The following HMCN1 variants were observed in gnomAD, a reference collection of about 807,000 sequenced individuals.
HMCN1 encodes the protein hemicentin-1.
HMCN1 carries 321 observed loss-of-function variants against 625.9 expected under a neutral mutation model. The ratio of observed to expected loss-of-function variants is 0.51; its 90% CI spans 0.47 to 0.56. The LOEUF (loss-of-function observed/expected upper bound fraction) is 0.56, where lower values mean the gene tolerates loss of function less well. Among genes scored for constraint, HMCN1 ranks in the 20% least tolerant of loss-of-function variants. HMCN1 has a pLI of 0.00. For synonymous variants in HMCN1, 2,425 were observed against 2,417.6 expected (o/e 1.00, Z -0.09); for missense variants, 6,588 against 6,887.3 (o/e 0.96, Z 1.54).
intron 1 of HMCN1, among the ~76,000 whole-genome samples, chr1:185,818,841 A>C (rs1489733535): frequency 1.3e-5 from 2 of 152,146 alleles, no homozygotes; most frequent in Non-Finnish European, 2.9e-5. Context: ...GAAACTTATA[A>C]ATTTTTATAA....
chr1:185,890,175 A>G (rs1283868689), intron 4 of HMCN1, among the ~76,000 whole-genome samples: 1 of 149,520 alleles, frequency 6.7e-6, no homozygotes, highest in South Asian at 2.1e-4. Flanking sequence ...ATCATTTTTT[A>G]TTGCGTCTAT....
rs758772278 is a variant in HMCN1, at chr1:186,117,606, A to G, written c.11831A>G (p.Tyr3944Cys). ...GIRLLPRGDG[Y>C]RILSSGAIEI... ...AGACTGCTTCCCAGGGGAGATGGCT[A>G]TAGAATTCTGTCCTCAGGTAAGACC... Residue 3944 changes from tyrosine to cysteine, a missense_variant, in exon 77 of 107, where the codon TAT becomes TGT. Coordinates refer to ENST00000271588, the MANE Select transcript of HMCN1 (RefSeq NM_031935.3). The G allele has an allele frequency of 4.3e-6, 7 of 1,613,676 alleles. No homozygotes were observed. In the Admixed American group the frequency reaches 8.3e-5, roughly 19 times the overall value.
chr1:186,097,256 G>A (rs141336456), intron 68 of HMCN1, among the ~76,000 whole-genome samples: 1 of 152,214 alleles, frequency 6.6e-6, no homozygotes, highest in East Asian at 1.9e-4. Context: ...GTCTGAAAAA[G>A]AAATCAAGAA....
intron 97 of HMCN1, among the ~76,000 whole-genome samples, chr1:186,161,513 T>C (rs879230790): frequency 1.3e-5 from 2 of 151,438 alleles, no homozygotes; most frequent in South Asian, 4.2e-4. Context: ...TTCTTCCTAG[T>C]CTTGATGGTC....
rs937850916 is a variant in HMCN1, at chr1:186,144,565, A to G, written c.14128A>G (p.Ser4710Gly). Reference protein sequence around the residue: ...HGKWATWASWSACSVSCGGGA... With the variant: ...HGKWATWASWGACSVSCGGGA... Reference sequence around the variant, plus strand: ...CAAGTGGGCGACTTGGGCCAGTTGGAGTGCCTGTTCTGTGTCATGTGGAGG... The same window carrying G: ...CAAGTGGGCGACTTGGGCCAGTTGGGGTGCCTGTTCTGTGTCATGTGGAGG... Residue 4710 changes from serine to glycine, a missense_variant, in exon 91 of 107, where the codon AGT becomes GGT. Transcript: ENST00000271588. 6.2e-7 allele frequency: 1 copy of G among 1,613,934 alleles called. No homozygotes were observed. Among genetic ancestry groups the G allele is most frequent in the African/African-American group, 1.3e-5 (1 of 74,888 alleles).
intron 53 of HMCN1, among the ~76,000 whole-genome samples, chr1:186,075,836 C>A (rs958500580): frequency 2.0e-5 from 3 of 152,084 alleles, no homozygotes; most frequent in Admixed American, 6.5e-5. Context: ...TCATAATTTT[C>A]TAAGGGTGGA....
intron 33 of HMCN1, 120 bp downstream of exon 33, chr1:186,017,191 T>G: frequency 2.8e-6 from 2 of 708,978 alleles, no homozygotes; most frequent in Non-Finnish European, 5.2e-6. Flanking sequence ...TTCTTTATAT[T>G]CCTCTTTTAA....
chr1:185,894,179 G>A (rs1470121374), intron 4 of HMCN1, among the ~76,000 whole-genome samples: 1 of 149,654 alleles, frequency 6.7e-6, no homozygotes, highest in Non-Finnish European at 1.5e-5. Flanking sequence ...CAAAAAAACA[G>A]AAAAAAACAA....
intron 1 of HMCN1, among the ~76,000 whole-genome samples, chr1:185,845,342 T>G (rs1661745076): frequency 6.6e-6 from 1 of 152,052 alleles, no homozygotes; most frequent in African/African-American, 2.4e-5. Context: ...CTCAGCCTCC[T>G]GAGTAGCTGG....
intron 68 of HMCN1, among the ~76,000 whole-genome samples, chr1:186,102,003 G>A (rs1293064530): frequency 1.3e-5 from 2 of 152,120 alleles, no homozygotes; most frequent in Non-Finnish European, 2.9e-5. Flanking sequence ...GCGGGACTAT[G>A]AGGAGCAAGA....
rs559459615 is a variant in HMCN1 at position 185,858,547 on chromosome 1, C to T, written c.340-5923C>T. Among the ~76,000 whole-genome samples, 106 of 109,510 alleles carry T rather than the reference C, an allele frequency of 9.7e-4. 1 individual carries two copies. The highest frequency in any genetic ancestry group is 5.4e-4 in the South Asian group (2 of 3,704). The allele number at this position is 109,510 out of a possible 152,430, so 71.8% of individuals were successfully genotyped here. ...AGAGCCTTCTGAGTAGCTGGGACCA[C>T]GTGCCAGCTATATGCCTATATGCCA... is the stretch of plus-strand genomic sequence containing the variant. On this transcript the variant is annotated intron_variant, in intron 2 of 106. Transcript: ENST00000271588.
chr1:186,143,345 A>T (rs937397974), intron 89 of HMCN1, among the ~76,000 whole-genome samples: 1 of 152,198 alleles, frequency 6.6e-6, no homozygotes, highest in Non-Finnish European at 1.5e-5. Context: ...GTACTTTATG[A>T]GCTCCATATC....
chr1:186,030,976 T>G (rs12118857), intron 36 of HMCN1, among the ~76,000 whole-genome samples: 1,679 of 152,074 alleles, frequency 0.011, 13 homozygotes, highest in Non-Finnish European at 0.019. Flanking sequence ...ACGAATTACA[T>G]TTTTTAAAGT....
rs1453256489 is a variant in HMCN1, at chr1:186,016,065, C to T, written c.5017C>T (p.Leu1673Phe). The change falls in exon 32 of 107, where the codon CTC becomes TTC. Residue 1673 changes from leucine to phenylalanine, a missense_variant. Coordinates refer to ENST00000271588, the MANE Select transcript of HMCN1 (RefSeq NM_031935.3). ...CKAAGNPSPI[L>F]TWLKDGVPVK... ...AGCTGCTGGAAACCCTTCTCCCATT[C>T]TCACCTGGTTGAAAGATGGTGTACC... 6.2e-7 allele frequency: 1 copy of T among 1,613,536 alleles called. No individual in the cohort carries two copies. Among genetic ancestry groups the T allele is most frequent in the South Asian group, 1.1e-5 (1 of 91,074 alleles).
intron 1 of HMCN1, among the ~76,000 whole-genome samples, chr1:185,830,197 T>C (rs1001453469): frequency 1.3e-5 from 2 of 152,198 alleles, no homozygotes; most frequent in Non-Finnish European, 2.9e-5. Context: ...TTCTGTAGAT[T>C]ACCTGTTCAC....
rs74134350 is a variant in HMCN1, at chr1:185,882,879, G to A, written c.621+17016G>A. Among the ~76,000 whole-genome samples, 1,157 of 152,162 alleles carry A rather than the reference G, an allele frequency of 7.6e-3. 14 individuals are homozygous for A. The highest frequency in any genetic ancestry group is 0.025 in the African/African-American group (1,039 of 41,532). ...GCTGGTGAGGGAGAGCATTTACAAA[G>A]ATGGCAAAAGGTAGAGTCCTCCATC... is the stretch of plus-strand genomic sequence containing the variant. On this transcript the variant is annotated intron_variant, in intron 4 of 106. Coordinates refer to ENST00000271588, the MANE Select transcript of HMCN1 (RefSeq NM_031935.3).
At position 185,867,082 on chromosome 1, in the gene HMCN1, A is replaced by G. The variant is rs1054875288; in HGVS notation, c.621+1219A>G. ...CTTATTATATCAAGGTGGAACTAATAGGACATTACAAATTTCTAGAGCAAA... is the reference window on the plus strand; with the variant it reads ...CTTATTATATCAAGGTGGAACTAATGGGACATTACAAATTTCTAGAGCAAA... On this transcript the variant is annotated intron_variant, in intron 4 of 106. Transcript: ENST00000271588. 3.3e-5 allele frequency among the ~76,000 whole-genome samples: 5 copies of G among 152,348 alleles called. No individual in the cohort carries two copies. In the South Asian group the frequency reaches 1.0e-3, roughly 32 times the overall value.
At chr1:186,058,623 G>A (rs1312145807) in intron 46 of HMCN1, among the ~76,000 whole-genome samples, 1 of 151,806 alleles carries the variant, frequency 6.6e-6, no homozygotes, top group Non-Finnish European at 1.5e-5. Context: ...TAGTTCCAGA[G>A]GTTAAAAGTA....
intron 44 of HMCN1, 99 bp from the exon 45 acceptor site, chr1:186,055,294 C>A: frequency 9.4e-7 from 1 of 1,062,744 alleles, no homozygotes; most frequent in Non-Finnish European, 1.4e-6. Context: ...TATATTTTAA[C>A]ATAAAAATAT....
Sources: allele counts gnomAD v4.1 joint callset (sites outside exome capture counted in the v4.1 genomes callset), GRCh38; gene constraint gnomAD v4.1.1; transcripts MANE v1.5; gene names NCBI Gene and HGNC (gene_info 2026-07-23, HGNC 2026-07-21).